ROBO2: variants seen among roughly 807,000 people sequenced by gnomAD.
ROBO2 encodes roundabout homolog 2.
In ROBO2, 53 loss-of-function variants were observed where a neutral mutation model predicts 160.8. The observed-to-expected ratio is 0.33, with a 90% CI of 0.26 to 0.41. The LOEUF is 0.41. ROBO2 is among the 10% of genes least tolerant of loss of function. The pLI, the probability that ROBO2 is intolerant of heterozygous loss-of-function variation, is 1.00. For missense variants in ROBO2, 1,577 were observed against 1,722.4 expected, an observed-to-expected ratio of 0.92 and a Z score of 1.49; for synonymous variants, 664 against 611.7, an observed-to-expected ratio of 1.09 and a Z score of -1.26.
intron 2 of ROBO2, among the ~76,000 whole-genome samples, chr3:77,257,730 G>C (rs1187271781): frequency 6.6e-6 from 1 of 152,022 alleles, no homozygotes; most frequent in Non-Finnish European, 1.5e-5. Context: ...CAGAATTCAG[G>C]GCATTTCTGA....
At chr3:77,641,877 CTTAAATTTT>C (rs2095355697) in intron 24 of ROBO2, among the ~76,000 whole-genome samples, 2 of 151,980 alleles carry the variant, frequency 1.3e-5, no homozygotes, top group Admixed American at 1.3e-4. Context: ...ATATTGGAAC[CTTAAATTTT>C]TTCCTATCTG....
intron 2 of ROBO2, among the ~76,000 whole-genome samples, chr3:76,024,383 T>A (rs79242571): frequency 0.017 from 2,180 of 126,988 alleles, 23 homozygotes; most frequent in Non-Finnish European, 0.024. Context: ...TTTTTTTTTT[T>A]AAAAACCTTG....
intron 2 of ROBO2, among the ~76,000 whole-genome samples, chr3:76,042,042 AC>A (rs2067291546): frequency 2.1e-5 from 3 of 146,280 alleles, no homozygotes; most frequent in Admixed American, 1.4e-4. Flanking sequence ...AAAAAAAAAA[AC>A]ACCCCAGAAC....
At chr3:77,193,162 G>T (rs889526175) in intron 2 of ROBO2, among the ~76,000 whole-genome samples, 6 of 151,864 alleles carry the variant, frequency 4.0e-5, no homozygotes, top group African/African-American at 1.5e-4. Flanking sequence ...ATACTTCTTG[G>T]CTGCAGGGAA....
At chr3:76,105,531 T>A (rs1181308575) in intron 2 of ROBO2, among the ~76,000 whole-genome samples, 1 of 152,124 alleles carries the variant, frequency 6.6e-6, no homozygotes, top group Non-Finnish European at 1.5e-5. Context: ...TGATACAGCT[T>A]AATAAAAACA....
chr3:76,381,846 C>A (rs1413952017), intron 2 of ROBO2, among the ~76,000 whole-genome samples: 1 of 152,230 alleles, frequency 6.6e-6, no homozygotes, highest in African/African-American at 2.4e-5. Flanking sequence ...TAATAAGTGG[C>A]CAGGTTGGAT....
rs536765604 is a variant in ROBO2 at position 76,220,756 on chromosome 3, C to T, written c.109+283154C>T. On this transcript the variant is annotated intron_variant, in intron 2 of 26. Coordinates refer to the ROBO2 transcript ENST00000487694. ...CAAACATATTTGATGAAAACACACA[C>T]ACACACACACAGACATGTTCAAAAC... 2.6e-5 allele frequency among the ~76,000 whole-genome samples: 4 copies of T among 152,216 alleles called. No homozygotes were observed. In the East Asian group the frequency reaches 7.7e-4, roughly 29 times the overall value.
chr3:77,437,390 C>G (rs1246907945), intron 2 of ROBO2, among the ~76,000 whole-genome samples: 1 of 151,792 alleles, frequency 6.6e-6, no homozygotes, highest in Non-Finnish European at 1.5e-5. Flanking sequence ...TTTAATGTGT[C>G]TAGGGTTACC....
chr3:76,567,650 TATAC>T (rs199905586), intron 2 of ROBO2, among the ~76,000 whole-genome samples: 4,888 of 87,096 alleles, frequency 0.056, 425 homozygotes, highest in Non-Finnish European at 0.066. Flanking sequence ...TATATATATA[TATAC>T]ACATACACAT....
At chr3:76,554,392 T>A (rs767095317) in intron 2 of ROBO2, among the ~76,000 whole-genome samples, 1 of 152,186 alleles carries the variant, frequency 6.6e-6, no homozygotes, top group Non-Finnish European at 1.5e-5. Context: ...TTTTTGGTTG[T>A]TTACGCTTTT....
intron 3 of ROBO2, among the ~76,000 whole-genome samples, chr3:77,478,297 C>T (rs1380545709): frequency 1.3e-5 from 2 of 152,016 alleles, no homozygotes; most frequent in Non-Finnish European, 2.9e-5. Flanking sequence ...AATGCTTTTT[C>T]CAGTTTTTCC....
At chr3:77,411,766 CTGTT>C (rs2076822192) in intron 2 of ROBO2, among the ~76,000 whole-genome samples, 1 of 152,108 alleles carries the variant, frequency 6.6e-6, no homozygotes, top group Admixed American at 6.5e-5. Context: ...ATCATACTGG[CTGTT>C]TATGGGGAGG....
chr3:77,474,671 C>T (rs1156552109), intron 2 of ROBO2, among the ~76,000 whole-genome samples: 1 of 137,250 alleles, frequency 7.3e-6, no homozygotes, highest in Admixed American at 7.5e-5. Context: ...CACACACACA[C>T]ACACACACAC....
chr3:76,835,509 T>A (rs2067608520), intron 2 of ROBO2, among the ~76,000 whole-genome samples: 2 of 150,340 alleles, frequency 1.3e-5, no homozygotes, highest in South Asian at 4.2e-4. Context: ...CAAAGACTAA[T>A]AGATGTATAC....
At chr3:76,498,268 A>C (rs2080263003) in intron 2 of ROBO2, among the ~76,000 whole-genome samples, 1 of 152,228 alleles carries the variant, frequency 6.6e-6, no homozygotes, top group African/African-American at 2.4e-5. Context: ...ACCAGGCATT[A>C]CAATGTATTT....
At chr3:76,732,968 C>G (rs2093658478) in intron 2 of ROBO2, among the ~76,000 whole-genome samples, 1 of 134,634 alleles carries the variant, frequency 7.4e-6, no homozygotes, top group Admixed American at 8.5e-5. Context: ...TCTGAGCATA[C>G]TGATGACATT....
chr3:76,782,931 T>C (rs566703444), intron 2 of ROBO2, among the ~76,000 whole-genome samples: 4 of 150,944 alleles, frequency 2.6e-5, no homozygotes, highest in African/African-American at 9.7e-5. Flanking sequence ...GTTTTTCTTT[T>C]TTACAATTTT....
chr3:77,360,246 A>G (rs530756052), intron 2 of ROBO2, among the ~76,000 whole-genome samples: 11 of 138,782 alleles, frequency 7.9e-5, no homozygotes, highest in African/African-American at 2.8e-4. Flanking sequence ...GTTAGAATGT[A>G]ATGCAACCCC....
At position 76,964,129 on chromosome 3, in the gene ROBO2, ATTTTGGACGG is replaced by A. The variant is rs568390948; in HGVS notation, c.110-133882_110-133873del. ...AACTCGTTAAACAGTGAAGTATGACATTTTGGACGGTTCTGAATATTCTTTGGAAATTTTG... is the reference window on the plus strand; with the variant it reads ...AACTCGTTAAACAGTGAAGTATGACATTCTGAATATTCTTTGGAAATTTTG... On this transcript the variant is annotated intron_variant, in intron 2 of 26. Coordinates refer to the ROBO2 transcript ENST00000487694. 2.9e-3 allele frequency among the ~76,000 whole-genome samples: 438 copies of A among 152,304 alleles called. 2 individuals are homozygous for A. Among genetic ancestry groups the A allele is most frequent in the African/African-American group, 0.01 (417 of 41,566 alleles).
Sources: allele counts gnomAD v4.1 joint callset (sites outside exome capture counted in the v4.1 genomes callset), GRCh38; gene constraint gnomAD v4.1.1; transcripts MANE v1.5; gene names NCBI Gene and HGNC (gene_info 2026-07-23, HGNC 2026-07-21).